GATA4: variants seen among roughly 807,000 people sequenced by gnomAD.
GATA4 encodes transcription factor GATA-4.
GATA4 carries 7 observed loss-of-function variants against 37.9 expected under a neutral mutation model. The ratio of observed to expected loss-of-function variants is 0.18; its 90% CI spans 0.11 to 0.35. The LOEUF (loss-of-function observed/expected upper bound fraction) is 0.35. GATA4 is among the 10% of genes least tolerant of loss of function. GATA4 has a pLI of 1.00. For synonymous variants in GATA4, 372 were observed against 292.6 expected, an observed-to-expected ratio of 1.27 and a Z score of -2.77; for missense variants, 647 against 653.0, an observed-to-expected ratio of 0.99 and a Z score of 0.10.
At position 11,750,368 on chromosome 8, in the gene GATA4, T is replaced by C. The variant is rs553067727; in HGVS notation, c.912+132T>C. The C allele has an allele frequency of 1.9e-4, 244 of 1,272,218 alleles. 4 individuals are homozygous for C. In the South Asian group the frequency reaches 2.2e-3, roughly 12 times the overall value. 78.8% of individuals were successfully genotyped at this position (1,272,218 alleles called of 1,614,324 possible). A position where few individuals can be genotyped will look rare whatever the true frequency, so the allele number is the denominator to read the frequency against. ...AAGAGACTTAGATTTGGAAGGGGCT[T>C]TCAACTACTTTGCTGGCCTCTTCCG... On this transcript the variant is annotated intron_variant, in intron 4 of 6. Coordinates refer to ENST00000532059, the MANE Select transcript of GATA4 (RefSeq NM_001308093.3).
intron 1 of GATA4, among the ~76,000 whole-genome samples, chr8:11,683,373 T>C (rs1477561796): frequency 6.6e-6 from 1 of 152,200 alleles, no homozygotes; most frequent in African/African-American, 2.4e-5. Flanking sequence ...CGGTAAATAG[T>C]AATTCTACCC....
intron 1 of GATA4, chr8:11,694,475 G>C: frequency 1.0e-6 from 1 of 985,378 alleles, no homozygotes; most frequent in Non-Finnish European, 1.2e-6. Flanking sequence ...AGCTCTCCGA[G>C]CCGTGGACTG....
intron 2 of GATA4, among the ~76,000 whole-genome samples, chr8:11,728,456 A>G (rs1417691102): frequency 6.6e-6 from 1 of 151,934 alleles, no homozygotes; most frequent in African/African-American, 2.4e-5. Flanking sequence ...GCAGCCTTGA[A>G]CTTCTGGGCT....
intron 2 of GATA4, among the ~76,000 whole-genome samples, chr8:11,720,759 C>G (rs1263863596): frequency 4.0e-5 from 6 of 151,786 alleles, no homozygotes; most frequent in Non-Finnish European, 7.4e-5. Context: ...CATGTATGTT[C>G]CCTCAAGAGA....
Position 11,758,689 on chromosome 8 carries a change from C to A in GATA4, c.*214C>A. The A allele has an allele frequency of 1.6e-6, 1 of 608,300 alleles. No individual in the cohort carries two copies. The highest frequency in any genetic ancestry group is 1.8e-5 in the African/African-American group (1 of 54,508). 37.7% of individuals were successfully genotyped at this position (608,300 alleles called of 1,614,324 possible). ...ACACGCTGATGGGACTGGAGGGAGC[C>A]CACCCTTCAGCACGAGCACACTGCA... On this transcript the variant is annotated 3_prime_UTR_variant, in exon 7 of 7. Transcript: ENST00000532059.
chr8:11,692,761 G>T lies in GATA4; in HGVS notation c.-729+101G>T, dbSNP rs989921059. 42 of 983,430 alleles carry T rather than the reference G, an allele frequency of 4.3e-5. No homozygotes were observed. The African/African-American group carries it at 5.4e-4, about 13-fold the overall frequency. The allele number at this position is 983,430 out of a possible 1,614,324, so 60.9% of individuals were successfully genotyped here. ...ACCCACGCGAGGGCGCGGACGGACG[G>T]GGGGCGGGAAGCGAGGCTGCCGAGG... On this transcript the variant is annotated intron_variant, in intron 1 of 2. Transcript: ENST00000526974.
At chr8:11,689,411 A>C (rs1416280143), upstream of GATA4, among the ~76,000 whole-genome samples, 9 of 152,126 alleles carry the variant, frequency 5.9e-5, no homozygotes, top group Admixed American at 5.9e-4. Context: ...CATGCACCTG[A>C]CCTGTTTCAG....
At chr8:11,678,012 A>AAATAATAAT (rs148395155) in intron 1 of GATA4, among the ~76,000 whole-genome samples, 10 of 141,962 alleles carry the variant, frequency 7.0e-5, no homozygotes, top group South Asian at 2.3e-4. Flanking sequence ...GGCTGAGTCA[A>AAATAATAAT]AATAATAATA....
At chr8:11,691,914 A>C, upstream of GATA4, 1 of 566,900 alleles carries the variant, frequency 1.8e-6, no homozygotes, top group Non-Finnish European at 2.2e-6. Flanking sequence ...CAAAGAGGGA[A>C]GAAAAAAAAA....
chr8:11,718,820 A>G (rs1585619113), intron 2 of GATA4, among the ~76,000 whole-genome samples: 1 of 152,254 alleles, frequency 6.6e-6, no homozygotes, highest in Non-Finnish European at 1.5e-5. Flanking sequence ...GCAACTGGTG[A>G]GCAGGTTAAT....
intron 2 of GATA4, among the ~76,000 whole-genome samples, chr8:11,733,423 A>C (rs1801302210): frequency 6.6e-6 from 1 of 152,258 alleles, no homozygotes. Context: ...CTGGCACGGA[A>C]GCTAAAGCAG....
rs1324224105 is a variant in GATA4, at chr8:11,708,336, C to T, written c.24C>T (p.Ala8=). MYQSLAM[A]ANHGPPPGAY... ...CCATGTATCAGAGCTTGGCCATGGC[C>T]GCCAACCACGGGCCGCCCCCCGGTG... is the stretch of plus-strand genomic sequence containing the variant. Residue 8 remains alanine (A), a synonymous_variant, in exon 2 of 7, where the codon GCC becomes GCT. Transcript: ENST00000532059. The surrounding 1 kb of genome is among the most constrained non-coding windows in gnomAD (Gnocchi z 6.7). 2 of 1,584,284 alleles carry T rather than the reference C, an allele frequency of 1.3e-6. No individual in the cohort carries two copies. Among genetic ancestry groups the T allele is most frequent in the African/African-American group, 1.3e-5 (1 of 74,684 alleles).
chr8:11,686,540 C>A (rs1429142190), intron 1 of GATA4, among the ~76,000 whole-genome samples: 1 of 152,174 alleles, frequency 6.6e-6, no homozygotes. Flanking sequence ...CTCATCTCTT[C>A]CCTTCTTCAT....
chr8:11,680,851 A>C (rs1798944100), intron 1 of GATA4: 1 of 985,166 alleles, frequency 1.0e-6, no homozygotes, highest in South Asian at 4.7e-5. Context: ...ACACATAGCG[A>C]AGCCCCTGAC....
At chr8:11,746,686 A>G (rs1802050043) in intron 2 of GATA4, among the ~76,000 whole-genome samples, 1 of 152,184 alleles carries the variant, frequency 6.6e-6, no homozygotes, top group Non-Finnish European at 1.5e-5. Context: ...CACGGACTGT[A>G]GAGGTGGCAA....
At chr8:11,743,418 C>G (rs920477685) in intron 2 of GATA4, among the ~76,000 whole-genome samples, 3 of 152,238 alleles carry the variant, frequency 2.0e-5, no homozygotes, top group African/African-American at 4.8e-5. Flanking sequence ...CAGGCTGGGG[C>G]TCAACACCAG....
chr8:11,695,450 T>G (rs1313767353), intron 1 of GATA4, among the ~76,000 whole-genome samples: 2 of 152,126 alleles, frequency 1.3e-5, no homozygotes, highest in Non-Finnish European at 2.9e-5. Context: ...AGTAATGGGT[T>G]CTGCAGAACG....
rs141966110 is a variant in GATA4 at position 11,744,703 on chromosome 8, T to A, written c.617-4213T>A. 1.0e-3 allele frequency among the ~76,000 whole-genome samples: 152 copies of A among 152,358 alleles called. 2 individuals are homozygous for A. The South Asian group carries it at 0.015, about 15-fold the overall frequency. On this transcript the variant is annotated intron_variant, in intron 2 of 6. Coordinates refer to ENST00000532059, the MANE Select transcript of GATA4 (RefSeq NM_001308093.3). ...GTAACATTTCATGGAGCAGGTTGGA[T>A]GGCAGGATTTTGTGGTTGGAAATAT...
chr8:11,701,714 T>G (rs117918532), upstream of GATA4, among the ~76,000 whole-genome samples: 934 of 152,238 alleles, frequency 6.1e-3, 22 homozygotes, highest in East Asian at 0.061. Context: ...GCGCTGGACC[T>G]AGAGGAAAAA....
Sources: allele counts gnomAD v4.1 joint callset (sites outside exome capture counted in the v4.1 genomes callset), GRCh38; gene constraint gnomAD v4.1.1; non-coding constraint Gnocchi (gnomAD v3.1); transcripts MANE v1.5; gene names NCBI Gene and HGNC (gene_info 2026-07-23, HGNC 2026-07-21).